Variants in CTNNA2 observed in about 807,000 individuals in gnomAD.
The protein encoded by CTNNA2 is catenin alpha 2, also known as catenin alpha-2.
Under a neutral mutation model 101.0 loss-of-function variants are expected in CTNNA2, and 42 were observed. That is an observed-to-expected ratio of 0.42 (90% CI 0.32 to 0.54). The LOEUF (loss-of-function observed/expected upper bound fraction) is 0.54. CTNNA2 is among the 20% of genes least tolerant of loss of function. The pLI is 0.14. For missense variants in CTNNA2, 871 were observed against 1,223.1 expected, an observed-to-expected ratio of 0.71 and a Z score of 4.29; for synonymous variants, 450 against 456.4, an observed-to-expected ratio of 0.99 and a Z score of 0.18.
intron 2 of CTNNA2, among the ~76,000 whole-genome samples, chr2:79,302,064 G>A (rs1477399764): frequency 6.6e-6 from 1 of 152,032 alleles, no homozygotes; most frequent in African/African-American, 2.4e-5. Flanking sequence ...CTGCACTTCA[G>A]CCTGGGTGAC....
rs745508708 is a variant in CTNNA2 at position 79,648,702 on chromosome 2, A to G, written c.-5-2850A>G. On this transcript the variant is annotated intron_variant, in intron 1 of 18. Coordinates refer to ENST00000402739, the MANE Select transcript of CTNNA2 (RefSeq NM_001282597.3). ...AAAGGGAATCTTACATATCAACATC[A>G]TGGGTTTAGAGGTGGGGATTTTGCG... is the stretch of plus-strand genomic sequence containing the variant. Among the ~76,000 whole-genome samples the G allele has an allele frequency of 8.7e-4, 133 of 152,116 alleles. 2 individuals carry two copies. The highest frequency in any genetic ancestry group is 2.6e-4 in the Non-Finnish European group (18 of 68,012).
At chr2:79,249,300 C>G (rs893582811) in intron 2 of CTNNA2, among the ~76,000 whole-genome samples, 1 of 152,180 alleles carries the variant, frequency 6.6e-6, no homozygotes, top group African/African-American at 2.4e-5. Flanking sequence ...CAGTCGCTAT[C>G]ATCTCTACCA....
rs182875136 is a variant in CTNNA2, at chr2:80,020,053, G to T, written c.1056+110256G>T. Reference sequence around the variant, plus strand: ...AAAAGATAGAGGCACTGCTCTCCATGCTAGAAATTAGCCAGGTGCACCATT... The same window carrying T: ...AAAAGATAGAGGCACTGCTCTCCATTCTAGAAATTAGCCAGGTGCACCATT... On this transcript the variant is annotated intron_variant, in intron 7 of 18. Coordinates refer to ENST00000402739, the MANE Select transcript of CTNNA2 (RefSeq NM_001282597.3). 7.9e-5 allele frequency among the ~76,000 whole-genome samples: 12 copies of T among 152,306 alleles called. 1 individual carries two copies. Among genetic ancestry groups the T allele is most frequent in the African/African-American group, 4.8e-5 (2 of 41,570 alleles).
intron 3 of CTNNA2, among the ~76,000 whole-genome samples, chr2:79,317,059 A>T (rs887423804): frequency 6.6e-6 from 1 of 151,986 alleles, no homozygotes; most frequent in Non-Finnish European, 1.5e-5. Flanking sequence ...ATTATGATGA[A>T]AAAGCTACCT....
intron 3 of CTNNA2, among the ~76,000 whole-genome samples, chr2:79,816,816 G>A (rs547587202): frequency 6.6e-6 from 1 of 152,104 alleles, no homozygotes; most frequent in African/African-American, 2.4e-5. Flanking sequence ...TTCCCATTTT[G>A]TAATGAGAAA....
chr2:79,679,533 C>G (rs1383167841), intron 2 of CTNNA2, among the ~76,000 whole-genome samples: 1 of 152,044 alleles, frequency 6.6e-6, no homozygotes, highest in Non-Finnish European at 1.5e-5. Context: ...AGCCATCCTG[C>G]CCCGCAGCAT....
chr2:79,925,990 T>C (rs1056663842), intron 7 of CTNNA2, among the ~76,000 whole-genome samples: 6 of 152,120 alleles, frequency 3.9e-5, no homozygotes, highest in Admixed American at 6.6e-5. Flanking sequence ...AAGATTACGA[T>C]AGAATAGAGA....
intron 11 of CTNNA2, among the ~76,000 whole-genome samples, chr2:80,553,215 C>T (rs1435789058): frequency 3.4e-5 from 4 of 116,314 alleles, no homozygotes; most frequent in African/African-American, 9.0e-5. Context: ...CAGAGGGAGA[C>T]TCCGTCTCAA....
intron 7 of CTNNA2, among the ~76,000 whole-genome samples, chr2:80,343,452 A>G (rs1672424843): frequency 6.6e-6 from 1 of 151,454 alleles, no homozygotes; most frequent in African/African-American, 2.4e-5. Context: ...CAGTGTTCCA[A>G]GCCTGCAGAG....
intron 2 of CTNNA2, among the ~76,000 whole-genome samples, chr2:79,236,334 A>G (rs1392819632): frequency 1.3e-5 from 2 of 152,088 alleles, no homozygotes; most frequent in African/African-American, 2.4e-5. Context: ...AGGTCTCACT[A>G]TATTGCCCAG....
intron 7 of CTNNA2, among the ~76,000 whole-genome samples, chr2:80,273,600 C>T (rs950023294): frequency 6.6e-6 from 1 of 152,182 alleles, no homozygotes; most frequent in African/African-American, 2.4e-5. Flanking sequence ...TTCTGCTTCT[C>T]TGAGTTTATC....
intron 15 of CTNNA2, among the ~76,000 whole-genome samples, chr2:80,599,618 T>G (rs1314485763): frequency 6.6e-6 from 1 of 152,172 alleles, no homozygotes; most frequent in East Asian, 1.9e-4. Context: ...ACTAACTTTG[T>G]GCTCATTTAA....
chr2:80,568,589 G>C (rs1214530037), intron 12 of CTNNA2, among the ~76,000 whole-genome samples: 1 of 152,054 alleles, frequency 6.6e-6, no homozygotes, highest in Non-Finnish European at 1.5e-5. Flanking sequence ...GTGTGTGTGT[G>C]TGTGTGTGAG....
rs540064703 is a variant in CTNNA2 at position 79,309,435 on chromosome 2, A to G, written c.-405-3274A>G. Among the ~76,000 whole-genome samples the G allele has an allele frequency of 3.9e-5, 6 of 152,342 alleles. No individual in the cohort carries two copies. The South Asian group carries it at 1.2e-3, about 32-fold the overall frequency. The stretch of plus-strand genomic sequence containing the variant: ...TTGTAAAATAAAAAGTGTTTCAATG[A>G]ATCCAGCAGAGGAGTATGGCTTTAT... On this transcript the variant is annotated intron_variant, in intron 2 of 21. Coordinates refer to the CTNNA2 transcript ENST00000466387.
At chr2:80,459,560 T>C (rs111709611) in intron 9 of CTNNA2, among the ~76,000 whole-genome samples, 4,892 of 152,212 alleles carry the variant, frequency 0.032, 245 homozygotes, top group African/African-American at 0.11. Context: ...AAATGCCTTG[T>C]CAAAAGATGA....
intron 7 of CTNNA2, among the ~76,000 whole-genome samples, chr2:80,113,685 G>A (rs1373145664): frequency 6.6e-6 from 1 of 152,294 alleles, no homozygotes; most frequent in East Asian, 1.9e-4. Flanking sequence ...TGTATTATCT[G>A]GCCCTTTACA....
At chr2:80,409,428 G>A (rs1282923420) in intron 8 of CTNNA2, among the ~76,000 whole-genome samples, 1 of 152,134 alleles carries the variant, frequency 6.6e-6, no homozygotes, top group African/African-American at 2.4e-5. Context: ...CCATTTATGA[G>A]GCCAGTCAAC....
intron 7 of CTNNA2, among the ~76,000 whole-genome samples, chr2:80,216,135 T>C (rs1708254627): frequency 1.3e-5 from 2 of 152,162 alleles, no homozygotes; most frequent in African/African-American, 4.8e-5. Context: ...GGTGGGAGTA[T>C]ACCGATTTTC....
At chr2:79,507,827 C>T (rs1053566833) in intron 5 of CTNNA2, among the ~76,000 whole-genome samples, 2 of 152,146 alleles carry the variant, frequency 1.3e-5, no homozygotes, top group South Asian at 4.1e-4. Context: ...GGAAATGCTA[C>T]ACATATTTCT....
Sources: gnomAD v4.1 joint callset for allele counts (sites outside exome capture counted in the v4.1 genomes callset) on GRCh38, gnomAD v4.1.1 for gene constraint, MANE v1.5 for transcripts, NCBI Gene and HGNC (gene_info 2026-07-23, HGNC 2026-07-21) for gene names.